RPS6KA2: variants seen among roughly 807,000 people sequenced by gnomAD.
RPS6KA2 encodes the protein ribosomal protein S6 kinase alpha-2.
Under a neutral mutation model 91.8 loss-of-function variants are expected in RPS6KA2, and 42 were observed. The observed-to-expected ratio is 0.46, with a 90% CI of 0.36 to 0.59. The LOEUF (loss-of-function observed/expected upper bound fraction) is 0.59. Ranked by LOEUF, RPS6KA2 falls within the 20% of genes least tolerant of loss-of-function variation. The pLI, the probability that RPS6KA2 is intolerant of heterozygous loss-of-function variation, is 0.00. For missense variants in RPS6KA2, 798 were observed against 978.5 expected (o/e 0.82, Z 2.46); for synonymous variants, 414 against 393.6 (o/e 1.05, Z -0.61).
At chr6:166,756,008 T>C (rs903188458) in intron 2 of RPS6KA2, among the ~76,000 whole-genome samples, 1 of 152,104 alleles carries the variant, frequency 6.6e-6, no homozygotes, top group Non-Finnish European at 1.5e-5. Flanking sequence ...ATTTCAGGAG[T>C]AATTTCAAAA....
At chr6:166,518,175 T>C (rs949311415) in intron 3 of RPS6KA2, among the ~76,000 whole-genome samples, 1 of 145,540 alleles carries the variant, frequency 6.9e-6, no homozygotes, top group Admixed American at 7.2e-5. Flanking sequence ...CAGCCCTAGC[T>C]ACTTGGGAGG....
intron 2 of RPS6KA2, among the ~76,000 whole-genome samples, chr6:166,700,907 T>A (rs878936469): frequency 6.6e-6 from 1 of 152,212 alleles, no homozygotes; most frequent in South Asian, 2.1e-4. Context: ...GTGTCATACA[T>A]TTCAGAGAGC....
chr6:166,647,862 A>G (rs1367484051), intron 2 of RPS6KA2, among the ~76,000 whole-genome samples: 1 of 108,358 alleles, frequency 9.2e-6, no homozygotes, highest in African/African-American at 3.5e-5. Context: ...ACATGCTCAT[A>G]CACACATGCA....
At position 166,430,490 on chromosome 6, in the gene RPS6KA2, G is replaced by C; in HGVS notation, c.1544C>G (p.Thr515Ser). Reference protein sequence around the residue: ...SEREASDVLCTITKTMDYLHS... With the variant: ...SEREASDVLCSITKTMDYLHS... The stretch of plus-strand genomic sequence containing the variant: ...GAGGTAGTCCATGGTCTTGGTGATG[G>C]TGCACAGGACGTCACTGGCTTCGCG... Residue 515 changes from threonine to serine, a missense_variant, in exon 16 of 21, where the codon ACC becomes AGC. By Grantham distance (58) the Thr-to-Ser change is moderately conservative. Transcript: ENST00000265678. The C allele has an allele frequency of 6.2e-7, 1 of 1,614,034 alleles. No individual in the cohort carries two copies.
chr6:166,541,742 G>A (rs144594051), intron 1 of RPS6KA2, among the ~76,000 whole-genome samples: 33 of 152,156 alleles, frequency 2.2e-4, no homozygotes, highest in African/African-American at 6.7e-4. Context: ...GTAACGTTTC[G>A]AATCAAAGCC....
intron 1 of RPS6KA2, among the ~76,000 whole-genome samples, chr6:166,584,265 C>T (rs1168804930): frequency 1.3e-5 from 2 of 152,248 alleles, no homozygotes; most frequent in African/African-American, 4.8e-5. Flanking sequence ...GAGCTCTGGT[C>T]TCTCTTCCTC....
At chr6:166,704,351 G>T (rs874277) in intron 2 of RPS6KA2, among the ~76,000 whole-genome samples, 1 of 152,076 alleles carries the variant, frequency 6.6e-6, no homozygotes, top group East Asian at 1.9e-4. Context: ...CGAGGCATGC[G>T]CATACTGCTG....
At chr6:166,819,256 T>G (rs905392431) in intron 2 of RPS6KA2, among the ~76,000 whole-genome samples, 2 of 152,200 alleles carry the variant, frequency 1.3e-5, no homozygotes, top group African/African-American at 4.8e-5. Context: ...TTTGTTTTGT[T>G]TTTACAAGGT....
chr6:166,626,880 C>T lies in RPS6KA2; in HGVS notation c.99+41G>A. The T allele has an allele frequency of 1.4e-6, 2 of 1,422,396 alleles. No homozygotes were observed. Among genetic ancestry groups the T allele is most frequent in the Non-Finnish European group, 9.3e-7 (1 of 1,077,468 alleles). The allele number at this position is 1,422,396 out of a possible 1,614,324, so 88.1% of individuals were successfully genotyped here. ...CGGGCTCGGGCGACCACGGCCCGCT[C>T]AGTGCCCGGCACCTGCGCGCCCCGA... On this transcript the variant is annotated intron_variant, in intron 1 of 20. Coordinates refer to ENST00000265678, the MANE Select transcript of RPS6KA2 (RefSeq NM_021135.6). This position sits in a 1 kb window ranked among gnomAD's most constrained non-coding sequence, Gnocchi z 4.1.
At chr6:166,578,757 C>T (rs1784916179) in intron 1 of RPS6KA2, among the ~76,000 whole-genome samples, 2 of 152,192 alleles carry the variant, frequency 1.3e-5, no homozygotes, top group South Asian at 4.1e-4. Flanking sequence ...AGCAGGCCTA[C>T]TCAATCAGAG....
chr6:166,851,939 T>G (rs188358768), intron 2 of RPS6KA2, among the ~76,000 whole-genome samples: 149 of 152,324 alleles, frequency 9.8e-4, no homozygotes, highest in African/African-American at 3.3e-3. Flanking sequence ...CATCAAATGA[T>G]ATGCTGTCCC....
intron 2 of RPS6KA2, among the ~76,000 whole-genome samples, chr6:166,760,353 T>C (rs1562423631): frequency 6.6e-6 from 1 of 152,372 alleles, no homozygotes; most frequent in East Asian, 1.9e-4. Flanking sequence ...CGAGGATATA[T>C]TGAGCTGGTC....
At chr6:166,842,330 A>G (rs1222184982) in intron 2 of RPS6KA2, among the ~76,000 whole-genome samples, 2 of 152,212 alleles carry the variant, frequency 1.3e-5, no homozygotes, top group African/African-American at 4.8e-5. Context: ...CTGATCCAAT[A>G]TAACTGCGTT....
intron 2 of RPS6KA2, among the ~76,000 whole-genome samples, chr6:166,739,738 C>T (rs1790760320): frequency 6.6e-6 from 1 of 152,244 alleles, no homozygotes; most frequent in Non-Finnish European, 1.5e-5. Flanking sequence ...GGAGAGACAT[C>T]TCCACGTAGG....
At position 166,770,393 on chromosome 6, in the gene RPS6KA2, C is replaced by T. The variant is rs113886242; in HGVS notation, c.123+87807G>A. On this transcript the variant is annotated intron_variant, in intron 2 of 21. Coordinates refer to the RPS6KA2 transcript ENST00000503859. The surrounding 1 kb of genome is among the most constrained non-coding windows in gnomAD (Gnocchi z 5.1). ...CACGCACTAGAGTCTGGAGGCTGGT[C>T]GGCCACCAGCCTGCAAACCTCGAGG... 9.8e-3 allele frequency among the ~76,000 whole-genome samples: 1,496 copies of T among 152,282 alleles called. 27 individuals are homozygous for T. Among genetic ancestry groups the T allele is most frequent in the African/African-American group, 0.034 (1,427 of 41,538 alleles).
intron 1 of RPS6KA2, among the ~76,000 whole-genome samples, chr6:166,580,588 T>G (rs1784973757): frequency 6.6e-6 from 1 of 152,270 alleles, no homozygotes; most frequent in African/African-American, 2.4e-5. Flanking sequence ...AAGCTTGCTC[T>G]GGATTGTACC....
At chr6:166,550,237 G>T (rs1283317598) in intron 1 of RPS6KA2, among the ~76,000 whole-genome samples, 1 of 152,154 alleles carries the variant, frequency 6.6e-6, no homozygotes, top group Non-Finnish European at 1.5e-5. Context: ...CATTTAAAAT[G>T]ATAAACTATG....
chr6:166,742,539 C>A (rs796706043), intron 2 of RPS6KA2, among the ~76,000 whole-genome samples: 1 of 152,174 alleles, frequency 6.6e-6, no homozygotes, highest in Non-Finnish European at 1.5e-5. Flanking sequence ...GACACAAACA[C>A]GAGGAGCTGT....
Position 166,451,104 on chromosome 6 carries a change from T to G in RPS6KA2, c.1205A>C (p.Gln402Pro), listed in dbSNP as rs1424863340. ...LHKVPVHPIVQQLHGNNIHFT... is the reference protein window; with the variant it reads ...LHKVPVHPIVPQLHGNNIHFT... ...CCCACTGCAGGCAAACACAGTTACCTGCACGATTGGGTGAACTGGGACTTT... is the reference window on the plus strand; with the variant it reads ...CCCACTGCAGGCAAACACAGTTACCGGCACGATTGGGTGAACTGGGACTTT... Residue 402 changes from glutamine (Q) to proline (P), a missense_variant and splice_region_variant, in exon 13 of 21, where the codon CAG (glutamine) becomes CCG (proline). Coordinates refer to ENST00000265678, the MANE Select transcript of RPS6KA2 (RefSeq NM_021135.6). 1 of 1,613,992 alleles carries G rather than the reference T, an allele frequency of 6.2e-7. No individual in the cohort carries two copies. Among genetic ancestry groups the G allele is most frequent in the Non-Finnish European group, 8.5e-7 (1 of 1,179,924 alleles).
Sources: allele counts gnomAD v4.1 joint callset (sites outside exome capture counted in the v4.1 genomes callset), GRCh38; gene constraint gnomAD v4.1.1; non-coding constraint Gnocchi (gnomAD v3.1); transcripts MANE v1.5; gene names NCBI Gene and HGNC (gene_info 2026-07-23, HGNC 2026-07-21).